The following MAST2 variants were observed in gnomAD, a reference collection of about 807,000 sequenced individuals.
MAST2 encodes microtubule associated serine/threonine kinase 2.
In MAST2, 70 loss-of-function variants were observed where a neutral mutation model predicts 147.4. The ratio of observed to expected loss-of-function variants is 0.47; its 90% CI spans 0.39 to 0.58. The LOEUF is 0.58. MAST2 is among the 20% of genes least tolerant of loss of function. The probability of loss-of-function intolerance (pLI) is 0.00; values close to 1 mark genes in which losing one functional copy is unlikely to be tolerated. For missense variants in MAST2, 2,080 were observed against 2,302.3 expected (o/e 0.90, Z 1.98); for synonymous variants, 869 against 896.8 (o/e 0.97, Z 0.55).
chr1:45,946,381 C>T (rs982185121), intron 4 of MAST2, among the ~76,000 whole-genome samples: 12 of 152,202 alleles, frequency 7.9e-5, no homozygotes, highest in African/African-American at 2.4e-4. Flanking sequence ...CTTGCTACTA[C>T]GTCACATAAA....
At chr1:45,961,187 G>A (rs1164218659) in intron 5 of MAST2, among the ~76,000 whole-genome samples, 1 of 151,824 alleles carries the variant, frequency 6.6e-6, no homozygotes, top group Non-Finnish European at 1.5e-5. Flanking sequence ...GGGAACTGGA[G>A]ACATACTTGA....
chr1:45,978,738 CAT>C (rs1346652192), intron 5 of MAST2, among the ~76,000 whole-genome samples: 7 of 152,102 alleles, frequency 4.6e-5, no homozygotes, highest in Non-Finnish European at 8.8e-5. Flanking sequence ...CAAACGGACA[CAT>C]ATTATATAAT....
chr1:45,823,337 C>CT (rs58220954), intron 1 of MAST2, among the ~76,000 whole-genome samples: 88 of 133,770 alleles, frequency 6.6e-4, no homozygotes, highest in Admixed American at 1.9e-3. Context: ...CAGTTATTCT[C>CT]TTTTTTTTTT....
chr1:45,852,565 C>G (rs868582616), intron 3 of MAST2, among the ~76,000 whole-genome samples: 204 of 146,724 alleles, frequency 1.4e-3, no homozygotes, highest in African/African-American at 4.9e-3. Context: ...GAGATGGAGT[C>G]TTGCTATGTT....
Position 46,031,513 on chromosome 1 carries a change from C to T in MAST2, c.3115C>T (p.Arg1039Cys), listed in dbSNP as rs935315912. The change falls in exon 24 of 29, where the codon CGC becomes TGC. Residue 1039 changes from arginine (R) to cysteine (C), a missense_variant. Physicochemically the swap from Arg to Cys is radical, Grantham distance 180 (BLOSUM62 -3). Coordinates refer to ENST00000361297, the MANE Select transcript of MAST2 (RefSeq NM_015112.3). The surrounding 1 kb of genome is among the most constrained non-coding windows in gnomAD (Gnocchi z 4.1). Reference sequence around the variant, plus strand: ...GCTCTCTGGGGACTCAACAGAGAAGCGCACTGCTCGCCCTGTCAACAAAGT... The same window carrying T: ...GCTCTCTGGGGACTCAACAGAGAAGTGCACTGCTCGCCCTGTCAACAAAGT... ...RLLSGDSTEK[R>C]TARPVNKVIK... The T allele has an allele frequency of 1.9e-6, 3 of 1,614,148 alleles. No homozygotes were observed. Among genetic ancestry groups the T allele is most frequent in the South Asian group, 1.1e-5 (1 of 91,082 alleles).
intron 3 of MAST2, among the ~76,000 whole-genome samples, chr1:45,873,075 A>G (rs1247595127): frequency 6.6e-6 from 1 of 152,094 alleles, no homozygotes; most frequent in Non-Finnish European, 1.5e-5. Flanking sequence ...GGGTGGAGTG[A>G]TAGGGATGGA....
At chr1:46,007,182 G>T (rs1645521222) in intron 8 of MAST2, among the ~76,000 whole-genome samples, 1 of 152,092 alleles carries the variant, frequency 6.6e-6, no homozygotes, top group Non-Finnish European at 1.5e-5. Context: ...AGTTTTGCAG[G>T]GTCCCTAAGA....
chr1:45,959,058 G>A (rs758237417), intron 4 of MAST2, among the ~76,000 whole-genome samples: 2 of 152,138 alleles, frequency 1.3e-5, no homozygotes, highest in Non-Finnish European at 2.9e-5. Context: ...ATTTGCAGTG[G>A]TCATTCTTCA....
intron 4 of MAST2, among the ~76,000 whole-genome samples, chr1:45,900,119 G>A (rs555961995): frequency 2.9e-5 from 4 of 139,518 alleles, no homozygotes; most frequent in South Asian, 2.4e-4. Context: ...GCAGTGAGCC[G>A]AGATGGTGCC....
At chr1:45,999,643 C>A (rs1345195779) in intron 6 of MAST2, among the ~76,000 whole-genome samples, 2 of 152,158 alleles carry the variant, frequency 1.3e-5, no homozygotes, top group Non-Finnish European at 2.9e-5. Flanking sequence ...TGGTTGTTTC[C>A]TCTGTAAGGA....
intron 10 of MAST2, among the ~76,000 whole-genome samples, chr1:46,019,183 GCAGCCAGAGTGATCCTTCTGAAGTA>G (rs1342356348): frequency 6.6e-6 from 1 of 152,102 alleles, no homozygotes; most frequent in Non-Finnish European, 1.5e-5. Flanking sequence ...TCTCTACACT[GCAGCCAGAGTGATCCTTCTGAAGTA>G]CTTTCTGGTC....
intron 5 of MAST2, among the ~76,000 whole-genome samples, chr1:45,971,889 G>T (rs1163800623): frequency 6.6e-6 from 1 of 152,134 alleles, no homozygotes; most frequent in Non-Finnish European, 1.5e-5. Context: ...AAATTTTTAG[G>T]AGTAGGATCA....
chr1:46,014,185 A>G (rs1474485048), intron 10 of MAST2, among the ~76,000 whole-genome samples: 1 of 151,350 alleles, frequency 6.6e-6, no homozygotes. Flanking sequence ...TTTTTTTATT[A>G]TTATTATACT....
Position 45,824,475 on chromosome 1 carries a change from A to G in MAST2, c.220A>G (p.Ser74Gly). The change falls in exon 2 of 29, where the codon AGT becomes GGT. Residue 74 changes from serine to glycine, a missense_variant. Ser to Gly is a moderately conservative substitution (Grantham distance 56, BLOSUM62 0). This residue lies in a region of MAST2 where 569 missense variants were observed against 642.5 expected (regional missense o/e 0.89). Transcript: ENST00000361297. Reference sequence around the variant, plus strand: ...TAGTCCCCTGCTCTTCAGGAAACTCAGTAATCCTGACATATTTTCATCCAC... The same window carrying G: ...TAGTCCCCTGCTCTTCAGGAAACTCGGTAATCCTGACATATTTTCATCCAC... ...GVSPLLFRKL[S>G]NPDIFSSTGK... The G allele has an allele frequency of 1.2e-6, 2 of 1,612,112 alleles. No homozygotes were observed. Among genetic ancestry groups the G allele is most frequent in the African/African-American group, 1.3e-5 (1 of 75,030 alleles).
intron 1 of MAST2, among the ~76,000 whole-genome samples, chr1:45,807,375 G>A (rs1164766610): frequency 2.6e-5 from 4 of 152,070 alleles, no homozygotes; most frequent in African/African-American, 9.7e-5. Context: ...TGTTGAGGAT[G>A]TAGAACAAGG....
intron 8 of MAST2, among the ~76,000 whole-genome samples, chr1:46,007,026 GCA>G (rs1645515387): frequency 6.6e-6 from 1 of 152,146 alleles, no homozygotes; most frequent in Non-Finnish European, 1.5e-5. Flanking sequence ...AATCACCTGG[GCA>G]CATCTTCATC....
intron 4 of MAST2, among the ~76,000 whole-genome samples, chr1:45,953,685 G>T (rs1659257092): frequency 6.6e-6 from 1 of 152,206 alleles, no homozygotes; most frequent in Non-Finnish European, 1.5e-5. Flanking sequence ...GTAGCTAGAA[G>T]TGCCTGTGCA....
At chr1:45,950,897 C>T (rs149192821) in intron 4 of MAST2, among the ~76,000 whole-genome samples, 19 of 151,926 alleles carry the variant, frequency 1.3e-4, no homozygotes, top group African/African-American at 4.6e-4. Context: ...GCCTGGGCAA[C>T]ATGGTCAAAC....
At chr1:45,954,089 C>T (rs975626994) in intron 4 of MAST2, among the ~76,000 whole-genome samples, 1 of 152,092 alleles carries the variant, frequency 6.6e-6, no homozygotes, top group Non-Finnish European at 1.5e-5. Flanking sequence ...ATTCTAAATT[C>T]TAAAAGGTGC....
Sources: allele counts gnomAD v4.1 joint callset (sites outside exome capture counted in the v4.1 genomes callset), GRCh38; gene constraint gnomAD v4.1.1; regional missense constraint gnomAD v4.1.1; non-coding constraint Gnocchi (gnomAD v3.1); transcripts MANE v1.5; gene names NCBI Gene and HGNC (gene_info 2026-07-23, HGNC 2026-07-21).